Variants in MICALL1 observed in about 807,000 individuals in gnomAD.
MICALL1 encodes the protein MICAL-like protein 1.
A neutral mutation model predicts 83.7 loss-of-function variants in MICALL1; 61 were observed. That is an observed-to-expected ratio of 0.73 (90% CI 0.59 to 0.90). The LOEUF is 0.90. Among genes scored for constraint, MICALL1 ranks in the 40% least tolerant of loss-of-function variants. The probability of loss-of-function intolerance (pLI) is 0.00; values close to 1 mark genes in which losing one functional copy is unlikely to be tolerated. For synonymous variants in MICALL1, 481 were observed against 473.6 expected (o/e 1.02, Z -0.20); for missense variants, 1,066 against 1,152.0 (o/e 0.93, Z 1.08).
rs926920538 is a variant in MICALL1 at position 37,941,410 on chromosome 22, G to T, written c.*580G>T. On this transcript the variant is annotated 3_prime_UTR_variant, in exon 16 of 16. Coordinates refer to ENST00000215957, the MANE Select transcript of MICALL1 (RefSeq NM_033386.4). ...TGGCCTGTACTGTCAGACGTGAATG[G>T]GCCTGACGGGCAAATCCATCCCTCT... 6.6e-6 allele frequency: 1 copy of T among 152,502 alleles called. No homozygotes were observed. Among genetic ancestry groups the T allele is most frequent in the African/African-American group, 2.4e-5 (1 of 41,458 alleles). The allele number at this position is 152,502 out of a possible 1,614,324, so 9.4% of individuals were successfully genotyped here.
At chr22:37,909,081 G>A (rs1035370827) in intron 1 of MICALL1, among the ~76,000 whole-genome samples, 1 of 151,926 alleles carries the variant, frequency 6.6e-6, no homozygotes, top group African/African-American at 2.4e-5. Flanking sequence ...TTTTTGAGAT[G>A]GAGGCCTGTC....
Position 37,912,407 on chromosome 22 carries a change from C to T in MICALL1, c.252C>T (p.Asp84=), listed in dbSNP as rs760917096. Residue 84 remains aspartate, a synonymous_variant, in exon 3 of 16, where the codon GAC becomes GAT. Transcript: ENST00000215957. ...TCCCCGCTCTCCTGGACCCCAATGA[C>T]ATGGTCTCCATGAGCGTCCCTGACT... ...LGIPALLDPN[D]MVSMSVPDCL... 9.9e-6 allele frequency: 16 copies of T among 1,613,952 alleles called. No individual in the cohort carries two copies. The East Asian group carries it at 2.2e-4, about 22-fold the overall frequency.
chr22:37,907,302 C>T (rs1302845483), intron 1 of MICALL1: 2 of 152,286 alleles, frequency 1.3e-5, no homozygotes, highest in African/African-American at 4.8e-5. Flanking sequence ...TAGACACCAA[C>T]CGGGTGCTGC....
At chr22:37,936,628 C>G (rs965666174) in intron 13 of MICALL1, among the ~76,000 whole-genome samples, 1 of 152,204 alleles carries the variant, frequency 6.6e-6, no homozygotes, top group African/African-American at 2.4e-5. Flanking sequence ...CGCGGTGGCT[C>G]ACGCCTGTAA....
At chr22:37,931,084 C>T (rs965811894) in intron 9 of MICALL1, among the ~76,000 whole-genome samples, 11 of 152,236 alleles carry the variant, frequency 7.2e-5, no homozygotes, top group Non-Finnish European at 2.9e-5. Context: ...ACCACTACCC[C>T]TCAATGCTAG....
At chr22:37,914,127 C>T (rs887578140) in intron 3 of MICALL1, among the ~76,000 whole-genome samples, 1 of 151,836 alleles carries the variant, frequency 6.6e-6, no homozygotes, top group Non-Finnish European at 1.5e-5. Context: ...CCACCTGCCT[C>T]GGCCTCCCAA....
At position 37,922,205 on chromosome 22, in the gene MICALL1, A is replaced by G. The variant is rs767599843; in HGVS notation, c.803A>G (p.Asp268Gly). The G allele has an allele frequency of 6.2e-7, 1 of 1,611,904 alleles. No homozygotes were observed. The highest frequency in any genetic ancestry group is 1.1e-5 in the South Asian group (1 of 90,970). The change falls in exon 6 of 16, where the codon GAT (aspartate) becomes GGT (glycine). Residue 268 changes from aspartate (D) to glycine (G), a missense_variant. Asp to Gly is a moderately conservative substitution (Grantham distance 94). Transcript: ENST00000215957. ...SSSAPAGAEA[D>G]GPKASPEARP... ...AGTGCTCCTGCAGGGGCTGAGGCCG[A>G]TGGACCCAAGGCCAGCCCTGAGGCC...
rs1395669008 is a variant in MICALL1 at position 37,941,936 on chromosome 22, C to T, written c.*1106C>T. 6.6e-6 allele frequency: 1 copy of T among 152,270 alleles called. No homozygotes were observed. The highest frequency in any genetic ancestry group is 1.5e-5 in the Non-Finnish European group (1 of 68,060). The allele number at this position is 152,270 out of a possible 1,614,324, so 9.4% of individuals were successfully genotyped here. A position where few individuals can be genotyped will look rare whatever the true frequency, so the allele number is the denominator to read the frequency against. ...CTCTAGGCCCCCTTCCCTCTACACA[C>T]CTCTGGGAAAAGATTACACTGTATT... On this transcript the variant is annotated 3_prime_UTR_variant, in exon 16 of 16. Coordinates refer to ENST00000215957, the MANE Select transcript of MICALL1 (RefSeq NM_033386.4).
intron 15 of MICALL1, among the ~76,000 whole-genome samples, chr22:37,939,287 G>A (rs1036349923): frequency 1.3e-5 from 2 of 152,218 alleles, no homozygotes; most frequent in Non-Finnish European, 2.9e-5. Context: ...CTGAGATAAT[G>A]TGTAAAACTT....
At position 37,924,406 on chromosome 22, in the gene MICALL1, CG is replaced by C. The variant is rs987056594; in HGVS notation, c.1025-248del. ...AGATGATGTTTTCTGCCCACACTGGCGGGGGGTGTCTGAGGGGATTTGGGTT... is the reference window on the plus strand; with the variant it reads ...AGATGATGTTTTCTGCCCACACTGGCGGGGGTGTCTGAGGGGATTTGGGTT... On this transcript the variant is annotated intron_variant, in intron 6 of 15. Transcript: ENST00000215957. The surrounding 1 kb of genome is among the most constrained non-coding windows in gnomAD (Gnocchi z 5.2). 3.3e-5 allele frequency among the ~76,000 whole-genome samples: 5 copies of C among 152,128 alleles called. No homozygotes were observed. The highest frequency in any genetic ancestry group is 3.3e-4 in the Admixed American group (5 of 15,274).
intron 13 of MICALL1, among the ~76,000 whole-genome samples, chr22:37,934,898 A>G (rs1001153894): frequency 1.4e-5 from 2 of 140,064 alleles, no homozygotes; most frequent in African/African-American, 2.6e-5. Flanking sequence ...GCCTGGCTCT[A>G]TTTATTTATT....
rs1044945467 is a variant in MICALL1 at position 37,906,635 on chromosome 22, T to C, written c.146+67T>C. The C allele has an allele frequency of 1.6e-5, 18 of 1,128,076 alleles. No individual in the cohort carries two copies. The African/African-American group carries it at 2.2e-4, about 14-fold the overall frequency. 69.9% of individuals were successfully genotyped at this position (1,128,076 alleles called of 1,614,324 possible). ...CTGGGGCCGCGACCGCCGCCCCCCC[T>C]CAGTAACACGAAGCCCGGGCGGTGA... On this transcript the variant is annotated intron_variant, in intron 1 of 15. Transcript: ENST00000215957. This position sits in a 1 kb window ranked among gnomAD's most constrained non-coding sequence, Gnocchi z 4.4.
rs151298992 is a variant in MICALL1 at position 37,932,617 on chromosome 22, G to A, written c.2081G>A (p.Arg694Gln). ...IHGEMDTIER[R>Q]LDALEHRGVL... The stretch of plus-strand genomic sequence containing the variant: ...GGAGAGATGGATACCATTGAGCGCC[G>A]GCTGGATGCCCTGGAGCACCGTGGG... Residue 694 changes from arginine to glutamine, a missense_variant, in exon 11 of 16, where the codon CGG (arginine) becomes CAG (glutamine). By Grantham distance (43) the Arg-to-Gln change is conservative. Coordinates refer to ENST00000215957, the MANE Select transcript of MICALL1 (RefSeq NM_033386.4). This position sits in a 1 kb window ranked among gnomAD's most constrained non-coding sequence, Gnocchi z 4.4. 3.7e-6 allele frequency: 6 copies of A among 1,614,068 alleles called. No individual in the cohort carries two copies. In the African/African-American group the frequency reaches 4.0e-5, roughly 11 times the overall value.
intron 13 of MICALL1, 62 bp downstream of exon 13, chr22:37,933,174 G>T (rs977328444): frequency 1.9e-6 from 3 of 1,555,368 alleles, no homozygotes; most frequent in East Asian, 2.2e-5. Context: ...ACGGAGGAGT[G>T]GGGGAGCGGG....
At chr22:37,913,521 GAGGC>G (rs1333061586) in intron 3 of MICALL1, among the ~76,000 whole-genome samples, 4 of 152,220 alleles carry the variant, frequency 2.6e-5, no homozygotes, top group African/African-American at 9.6e-5. Flanking sequence ...TCTGTCTGGT[GAGGC>G]TGCTGTGCTG....
At chr22:37,936,614 C>T (rs975390612) in intron 13 of MICALL1, among the ~76,000 whole-genome samples, 4 of 152,110 alleles carry the variant, frequency 2.6e-5, no homozygotes, top group Non-Finnish European at 4.4e-5. Context: ...AGGCCCTGGC[C>T]GGGCGCGGTG....
intron 13 of MICALL1, among the ~76,000 whole-genome samples, chr22:37,934,752 A>G (rs1378471025): frequency 7.4e-6 from 1 of 136,018 alleles, no homozygotes; most frequent in Non-Finnish European, 1.6e-5. Flanking sequence ...GCCTGCCACC[A>G]CGCCCGGCTA....
intron 4 of MICALL1, among the ~76,000 whole-genome samples, chr22:37,918,653 C>T (rs1028339221): frequency 1.3e-5 from 2 of 152,210 alleles, no homozygotes; most frequent in Admixed American, 1.3e-4. Context: ...AGGACAGGAA[C>T]CTGTCAGGGG....
At chr22:37,929,729 A>T (rs1423946665) in intron 9 of MICALL1, among the ~76,000 whole-genome samples, 1 of 152,180 alleles carries the variant, frequency 6.6e-6, no homozygotes, top group African/African-American at 2.4e-5. Context: ...CACCCAGTTC[A>T]TGAGGGCCCT....
Sources: allele counts gnomAD v4.1 joint callset (sites outside exome capture counted in the v4.1 genomes callset), GRCh38; gene constraint gnomAD v4.1.1; non-coding constraint Gnocchi (gnomAD v3.1); transcripts MANE v1.5; gene names NCBI Gene and HGNC (gene_info 2026-07-23, HGNC 2026-07-21).